Variants in AKAIN1 observed in about 807,000 individuals in gnomAD.
AKAIN1 encodes the protein A-kinase anchor protein inhibitor 1.
A neutral mutation model predicts 3.7 loss-of-function variants in AKAIN1; 3 were observed. That is an observed-to-expected ratio of 0.82 (90% CI 0.37 to 2.12). AKAIN1 has a LOEUF of 2.12. Ranked by LOEUF, AKAIN1 falls within the 30% of genes most tolerant of loss-of-function variation. The probability of loss-of-function intolerance (pLI) is 0.06; values close to 1 mark genes in which losing one functional copy is unlikely to be tolerated. For synonymous variants in AKAIN1, 31 were observed against 30.8 expected (o/e 1.01, Z -0.02); for missense variants, 82 against 82.7 (o/e 0.99, Z 0.03).
chr18:5,155,531 C>A (rs1364264059), intron 1 of AKAIN1, among the ~76,000 whole-genome samples: 1 of 152,170 alleles, frequency 6.6e-6, no homozygotes, highest in Non-Finnish European at 1.5e-5. Flanking sequence ...ACTGCCCAGA[C>A]GGTCAGAATG....
chr18:5,173,643 T>C (rs1208666693), intron 1 of AKAIN1, among the ~76,000 whole-genome samples: 1 of 152,192 alleles, frequency 6.6e-6, no homozygotes, highest in Non-Finnish European at 1.5e-5. Flanking sequence ...GATTGACTAA[T>C]AAATAATTAA....
intron 1 of AKAIN1, among the ~76,000 whole-genome samples, chr18:5,176,388 C>A (rs550425895): frequency 4.0e-5 from 6 of 151,826 alleles, no homozygotes; most frequent in Non-Finnish European, 7.4e-5. Flanking sequence ...TGCAGTAAGC[C>A]GAGATCGTGC....
At chr18:5,184,673 C>A (rs187240615) in intron 1 of AKAIN1, among the ~76,000 whole-genome samples, 5 of 152,198 alleles carry the variant, frequency 3.3e-5, no homozygotes, top group Admixed American at 3.3e-4. Context: ...TTATAAAACA[C>A]TGCCCAAAGA....
chr18:5,197,507 A>AAAAAG, upstream of AKAIN1: 1 of 1,223,568 alleles, frequency 8.2e-7, no homozygotes, highest in Non-Finnish European at 1.0e-6. The surrounding 1 kb of genome is among the most constrained non-coding windows in gnomAD (Gnocchi z 6.9). Context: ...GATTTGTCAA[A>AAAAAG]AAAAAAAAAC....
At chr18:5,159,281 C>CGTGTTTCACCCT (rs1567873245) in intron 1 of AKAIN1, 1 of 152,006 alleles carries the variant, frequency 6.6e-6, no homozygotes, top group Non-Finnish European at 1.5e-5. Context: ...ATTAATGTCA[C>CGTGTTTCACCCT]GTGTTTCACC....
At chr18:5,188,890 C>CCT (rs1228522181) in intron 1 of AKAIN1, among the ~76,000 whole-genome samples, 2 of 152,134 alleles carry the variant, frequency 1.3e-5, no homozygotes, top group African/African-American at 4.8e-5. Flanking sequence ...ACTTGGGTCT[C>CCT]CTCTCTCTTT....
intron 1 of AKAIN1, among the ~76,000 whole-genome samples, chr18:5,151,144 G>A (rs1478412571): frequency 1.3e-5 from 2 of 151,968 alleles, no homozygotes; most frequent in African/African-American, 4.8e-5. Context: ...CACACACACT[G>A]TAATACACAG....
intron 1 of AKAIN1, among the ~76,000 whole-genome samples, chr18:5,176,787 C>A (rs2071229304): frequency 3.3e-5 from 5 of 152,150 alleles, no homozygotes; most frequent in Admixed American, 2.0e-4. Context: ...AATTCTAATT[C>A]TAAGAAATTC....
chr18:5,149,545 G>T, intron 1 of AKAIN1, among the ~76,000 whole-genome samples: 1 of 152,130 alleles, frequency 6.6e-6, no homozygotes. Context: ...AGCGAGCCTC[G>T]TCTCTCCATC....
At chr18:5,190,593 C>A (rs1364565798) in intron 1 of AKAIN1, among the ~76,000 whole-genome samples, 1 of 152,084 alleles carries the variant, frequency 6.6e-6, no homozygotes, top group Non-Finnish European at 1.5e-5. Context: ...ACATCATTTT[C>A]TAATAGTAGC....
At chr18:5,167,661 G>A (rs1163663005) in intron 1 of AKAIN1, among the ~76,000 whole-genome samples, 2 of 152,064 alleles carry the variant, frequency 1.3e-5, no homozygotes, top group Non-Finnish European at 2.9e-5. Context: ...CTATGTAACA[G>A]TGCTTTGAGT....
chr18:5,151,059 C>G (rs1383188583), intron 1 of AKAIN1, among the ~76,000 whole-genome samples: 1 of 152,094 alleles, frequency 6.6e-6, no homozygotes, highest in East Asian at 1.9e-4. Context: ...TCTCATCTCT[C>G]CCCACTGACT....
At chr18:5,180,321 T>A (rs1249591549) in intron 1 of AKAIN1, among the ~76,000 whole-genome samples, 1 of 152,156 alleles carries the variant, frequency 6.6e-6, no homozygotes, top group Non-Finnish European at 1.5e-5. Flanking sequence ...CCTTAACTGA[T>A]ATCTTCAGCT....
chr18:5,191,242 T>C (rs909200251), intron 1 of AKAIN1, among the ~76,000 whole-genome samples: 2 of 152,150 alleles, frequency 1.3e-5, no homozygotes, highest in African/African-American at 4.8e-5. Context: ...CCTGCCTACA[T>C]TTAAAAATCC....
chr18:5,196,952 G>A, intron 1 of AKAIN1, 86 bp downstream of exon 1: 2 of 1,208,626 alleles, frequency 1.7e-6, no homozygotes, highest in Admixed American at 2.0e-5. Flanking sequence ...GGGCCGTAAG[G>A]TAAAGAGGCC....
At chr18:5,189,154 G>A (rs8085117) in intron 1 of AKAIN1, among the ~76,000 whole-genome samples, 21,809 of 152,100 alleles carry the variant, frequency 0.14, 2,031 homozygotes, top group Middle Eastern at 0.27. Flanking sequence ...ACTCTGTGCA[G>A]CAAGCCTGTG....
intron 1 of AKAIN1, among the ~76,000 whole-genome samples, chr18:5,176,071 A>C (rs1156483331): frequency 6.6e-6 from 1 of 152,132 alleles, no homozygotes; most frequent in Non-Finnish European, 1.5e-5. Flanking sequence ...CCCCTGGAGA[A>C]GGGAGAGAGG....
At chr18:5,196,026 T>TA (rs141609064) in intron 1 of AKAIN1, among the ~76,000 whole-genome samples, 9 of 151,186 alleles carry the variant, frequency 6.0e-5, no homozygotes, top group South Asian at 4.2e-4. Context: ...TTCTTCCCTT[T>TA]AAAAAAAAAT....
At chr18:5,178,093 T>G (rs1004890506) in intron 1 of AKAIN1, among the ~76,000 whole-genome samples, 1 of 152,092 alleles carries the variant, frequency 6.6e-6, no homozygotes, top group Non-Finnish European at 1.5e-5. Context: ...TCGGGGTGGC[T>G]GCATGCTCCT....
Sources: gnomAD v4.1 joint callset for allele counts (sites outside exome capture counted in the v4.1 genomes callset) on GRCh38, gnomAD v4.1.1 for gene constraint, Gnocchi (gnomAD v3.1) non-coding constraint, MANE v1.5 for transcripts, NCBI Gene and HGNC (gene_info 2026-07-23, HGNC 2026-07-21) for gene names.